The following TPM3 variants were observed in gnomAD, a reference collection of about 807,000 sequenced individuals.
The protein encoded by TPM3 is tropomyosin 3, also known as tropomyosin alpha-3 chain.
TPM3 carries 16 observed loss-of-function variants against 43.1 expected under a neutral mutation model. The observed-to-expected ratio is 0.37, with a 90% CI of 0.25 to 0.56. The LOEUF (loss-of-function observed/expected upper bound fraction) is 0.56, where lower values mean the gene tolerates loss of function less well. Among genes scored for constraint, TPM3 ranks in the 20% least tolerant of loss-of-function variants. The probability of loss-of-function intolerance (pLI) is 0.77; values close to 1 mark genes in which losing one functional copy is unlikely to be tolerated. For missense variants in TPM3, 176 were observed against 337.2 expected (o/e 0.52, Z 3.74); for synonymous variants, 101 against 116.9 (o/e 0.86, Z 0.88).
chr1:154,158,974 C>A, downstream of TPM3: 1 of 780,560 alleles, frequency 1.3e-6, no homozygotes. Context: ...GCCCATCAGT[C>A]ACACAGATCA....
intron 3 of TPM3, among the ~76,000 whole-genome samples, chr1:154,174,099 G>A (rs1256244041): frequency 6.6e-6 from 1 of 151,570 alleles, no homozygotes; most frequent in East Asian, 1.9e-4. Context: ...TTGGGAGGCC[G>A]AAGCCGGCAG....
At chr1:154,170,596 C>T (rs761632946) in intron 7 of TPM3, 53 bp downstream of exon 7, 13 of 1,593,836 alleles carry the variant, frequency 8.2e-6, no homozygotes, top group African/African-American at 2.7e-5. Context: ...ATATTAATGC[C>T]TTATATACCT....
downstream of TPM3, among the ~76,000 whole-genome samples, chr1:154,157,985 C>T (rs1659980215): frequency 2.6e-5 from 4 of 152,216 alleles, no homozygotes; most frequent in Admixed American, 2.6e-4. Flanking sequence ...CCAACCAACA[C>T]TTTCAGCTTT....
At position 154,186,940 on chromosome 1, in the gene TPM3, T is replaced by C. The variant is rs150940888; in HGVS notation, c.243+4246A>G. 1.1e-3 allele frequency among the ~76,000 whole-genome samples: 173 copies of C among 151,760 alleles called. 6 individuals carry two copies. The highest frequency in any genetic ancestry group is 3.9e-3 in the African/African-American group (159 of 41,024). ...ACGTAGTTATTGACTCCCTCCTCCTTCTCTACTGCTTATATCTACTTCAAG... is the reference window on the plus strand; with the variant it reads ...ACGTAGTTATTGACTCCCTCCTCCTCCTCTACTGCTTATATCTACTTCAAG... On this transcript the variant is annotated intron_variant, in intron 2 of 9. Transcript: ENST00000651641.
At chr1:154,159,028 C>A, downstream of TPM3, 2 of 780,606 alleles carry the variant, frequency 2.6e-6, no homozygotes, top group South Asian at 2.7e-5. Flanking sequence ...CGGTTTCGCT[C>A]AAGTTGGCTG....
At chr1:154,173,723 C>T (rs1030468843) in intron 3 of TPM3, among the ~76,000 whole-genome samples, 34 of 151,912 alleles carry the variant, frequency 2.2e-4, no homozygotes, top group African/African-American at 7.5e-4. Flanking sequence ...AGCGCAGTGG[C>T]TCATGCCTGT....
Position 154,162,788 on chromosome 1 carries a change from C to T in TPM3, c.*5149G>A, listed in dbSNP as rs78002555. Among the ~76,000 whole-genome samples the T allele has an allele frequency of 7.5e-3, 1,146 of 152,306 alleles. 13 individuals carry two copies. The highest frequency in any genetic ancestry group is 0.026 in the African/African-American group (1,096 of 41,552). ...TAGTACTTCATTGTCCACTTTGGTA[C>T]CCCAGTTTGTTGGTCTCTATCCTTG... On this transcript the variant is annotated 3_prime_UTR_variant, in exon 10 of 10. Transcript: ENST00000651641.
chr1:154,180,923 T>TAA (rs1351615918), intron 2 of TPM3, among the ~76,000 whole-genome samples: 3 of 141,746 alleles, frequency 2.1e-5, no homozygotes, highest in South Asian at 2.3e-4. Context: ...AGTCTCCATC[T>TAA]AAAAAAAAAA....
intron 2 of TPM3, among the ~76,000 whole-genome samples, chr1:154,189,924 A>G (rs1288705623): frequency 6.6e-6 from 1 of 152,142 alleles, no homozygotes; most frequent in East Asian, 1.9e-4. Context: ...TATTTTCCAA[A>G]ACCAAATGTG....
downstream of TPM3, chr1:154,156,502 T>C (rs181384901): frequency 1.5e-5 from 3 of 196,464 alleles, no homozygotes; most frequent in African/African-American, 6.9e-5. Context: ...GCCAATAAGC[T>C]GCAGGATGTA....
At chr1:154,161,736 C>T (rs1421342326), downstream of TPM3, among the ~76,000 whole-genome samples, 1 of 152,038 alleles carries the variant, frequency 6.6e-6, no homozygotes, top group Non-Finnish European at 1.5e-5. Flanking sequence ...CGCACCCAGC[C>T]GCGTTATCAG....
intron 1 of TPM3, 72 bp downstream of exon 1, chr1:154,191,830 T>A: frequency 6.3e-7 from 1 of 1,588,782 alleles, no homozygotes; most frequent in South Asian, 1.1e-5. Context: ...TCACTGTCTT[T>A]CCCATGAAAA....
chr1:154,172,744 A>T, intron 5 of TPM3, 164 bp downstream of exon 5: 1 of 835,790 alleles, frequency 1.2e-6, no homozygotes, highest in Non-Finnish European at 2.0e-6. Context: ...AGAATAAGGA[A>T]GCCTAAAACC....
Position 154,164,309 on chromosome 1 carries a change from G to A in TPM3, c.*3628C>T, listed in dbSNP as rs1319115888. Among the ~76,000 whole-genome samples, 2 of 151,970 alleles carry A rather than the reference G, an allele frequency of 1.3e-5. No homozygotes were observed. Among genetic ancestry groups the A allele is most frequent in the Non-Finnish European group, 2.9e-5 (2 of 67,998 alleles). On this transcript the variant is annotated 3_prime_UTR_variant, in exon 10 of 10. Coordinates refer to ENST00000651641, the MANE Select transcript of TPM3 (RefSeq NM_152263.4). ...TCCAAGTAGATAGGACTGCAGGCAC[G>A]CACCACCATGTTTGGCTAAGTTTTT...
intron 7 of TPM3, 76 bp from the exon 8 acceptor site, chr1:154,170,545 C>G: frequency 6.2e-7 from 1 of 1,601,084 alleles, no homozygotes; most frequent in Non-Finnish European, 8.6e-7. Context: ...CCACCTTCTA[C>G]TTCTGGACCT....
chr1:154,179,024 C>T (rs1662653221), intron 2 of TPM3, among the ~76,000 whole-genome samples: 1 of 152,234 alleles, frequency 6.6e-6, no homozygotes, highest in African/African-American at 2.4e-5. Context: ...TCAGGCAGAA[C>T]AGGGCCAAGG....
chr1:154,176,364 G>A, intron 2 of TPM3, 116 bp from the exon 3 acceptor site: 9 of 1,455,828 alleles, frequency 6.2e-6, no homozygotes, highest in Non-Finnish European at 8.5e-6. Context: ...TCGCAGGGTA[G>A]AACTTGTCTT....
downstream of TPM3, among the ~76,000 whole-genome samples, chr1:154,161,381 A>C (rs1183814007): frequency 6.6e-6 from 1 of 150,730 alleles, no homozygotes; most frequent in Non-Finnish European, 1.5e-5. Context: ...GATAATACCT[A>C]TAACCAAGTT....
At chr1:154,178,211 T>A in intron 2 of TPM3, 1 of 985,360 alleles carries the variant, frequency 1.0e-6, no homozygotes, top group Non-Finnish European at 1.2e-6. Context: ...GAGTAGAAGA[T>A]AACAGGCTAT....
Sources: gnomAD v4.1 joint callset for allele counts (sites outside exome capture counted in the v4.1 genomes callset) on GRCh38, gnomAD v4.1.1 for gene constraint, MANE v1.5 for transcripts, NCBI Gene and HGNC (gene_info 2026-07-23, HGNC 2026-07-21) for gene names.